BIN2: variants seen among roughly 807,000 people sequenced by gnomAD.
The protein encoded by BIN2 is breast cancer associated protein BRAP1.
A neutral mutation model predicts 67.9 loss-of-function variants in BIN2; 43 were observed. The observed-to-expected ratio is 0.63, with a 90% CI of 0.50 to 0.82. The LOEUF (loss-of-function observed/expected upper bound fraction) is 0.82, where lower values mean the gene tolerates loss of function less well. Ranked by LOEUF, BIN2 falls within the 40% of genes least tolerant of loss-of-function variation. The pLI is 0.00. For synonymous variants in BIN2, 244 were observed against 246.8 expected, an observed-to-expected ratio of 0.99 and a Z score of 0.11; for missense variants, 581 against 671.6, an observed-to-expected ratio of 0.87 and a Z score of 1.49.
intron 5 of BIN2, among the ~76,000 whole-genome samples, chr12:51,299,928 TC>T (rs1404111682): frequency 1.3e-5 from 2 of 152,078 alleles, no homozygotes; most frequent in Middle Eastern, 3.2e-3. Context: ...AACCTCTGCC[TC>T]CCAGATTCAA....
chr12:51,307,433 A>C (rs1416392502), intron 2 of BIN2, among the ~76,000 whole-genome samples: 1 of 151,672 alleles, frequency 6.6e-6, no homozygotes, highest in Non-Finnish European at 1.5e-5. Flanking sequence ...ACAGGCTGGG[A>C]GCGGTGGCTC....
Position 51,295,580 on chromosome 12 carries a change from ATATATAT to A in BIN2, c.761+209_761+215del, listed in dbSNP as rs1945537202. Among the ~76,000 whole-genome samples the A allele has an allele frequency of 9.2e-3, 361 of 39,236 alleles. 3 individuals are homozygous for A. The highest frequency in any genetic ancestry group is 0.015 in the Middle Eastern group (1 of 66). 25.7% of individuals were successfully genotyped at this position (39,236 alleles called of 152,430 possible). A position where few individuals can be genotyped will look rare whatever the true frequency, so the allele number is the denominator to read the frequency against. Reference sequence around the variant, plus strand: ...TCCGTCTCAAAAAAAAAAAAAAAATATATATATATATATATATATATATATATATATA... The same window carrying A: ...TCCGTCTCAAAAAAAAAAAAAAAATAATATATATATATATATATATATATA... On this transcript the variant is annotated intron_variant, in intron 9 of 12. Coordinates refer to ENST00000615107, the MANE Select transcript of BIN2 (RefSeq NM_016293.4).
At chr12:51,296,573 A>C (rs1024672842) in intron 8 of BIN2, among the ~76,000 whole-genome samples, 1 of 152,048 alleles carries the variant, frequency 6.6e-6, no homozygotes, top group East Asian at 1.9e-4. Context: ...AACTATGGAG[A>C]GTAGTATGTA....
intron 2 of BIN2, among the ~76,000 whole-genome samples, chr12:51,308,079 C>G (rs1265215091): frequency 6.6e-6 from 1 of 151,994 alleles, no homozygotes; most frequent in African/African-American, 2.4e-5. Flanking sequence ...AGGTCAGCAA[C>G]AGGTATCATT....
intron 4 of BIN2, 186 bp from the exon 5 acceptor site, chr12:51,302,301 G>A (rs1945746630): frequency 1.0e-5 from 6 of 572,672 alleles, no homozygotes; most frequent in Admixed American, 3.1e-5. Flanking sequence ...ACTGCTCTAT[G>A]GGAGTCTGAA....
chr12:51,290,772 A>AT (rs1945358634), intron 10 of BIN2, among the ~76,000 whole-genome samples: 1 of 151,870 alleles, frequency 6.6e-6, no homozygotes. Flanking sequence ...TCTCTACTAA[A>AT]AATACAAAAA....
chr12:51,295,562 C>CA lies in BIN2; in HGVS notation c.761+233dup, dbSNP rs779588765. Among the ~76,000 whole-genome samples the CA allele has an allele frequency of 2.1e-3, 25 of 11,886 alleles. 1 individual carries two copies. Among genetic ancestry groups the CA allele is most frequent in the South Asian group, 9.5e-3 (3 of 316 alleles). 7.8% of individuals were successfully genotyped at this position (11,886 alleles called of 152,430 possible). A position where few individuals can be genotyped will look rare whatever the true frequency, so the allele number is the denominator to read the frequency against. ...TGGGCGACAGAGTGAGACTCCGTCT[C>CA]AAAAAAAAAAAAAAAATATATATAT... On this transcript the variant is annotated intron_variant, in intron 9 of 12. Transcript: ENST00000615107.
At chr12:51,303,211 C>A in intron 2 of BIN2, 70 bp from the exon 3 acceptor site, 3 of 1,488,716 alleles carry the variant, frequency 2.0e-6, no homozygotes, top group South Asian at 2.3e-5. Flanking sequence ...AGGTCAAAGT[C>A]AAAAAGTAGG....
At chr12:51,301,949 G>T in intron 5 of BIN2, 71 bp downstream of exon 5, 1 of 1,074,208 alleles carries the variant, frequency 9.3e-7, no homozygotes, top group Non-Finnish European at 1.4e-6. Flanking sequence ...TACTTATAAT[G>T]CTTAACCCAA....
At chr12:51,289,044 G>A (rs1300079489) in intron 10 of BIN2, among the ~76,000 whole-genome samples, 4 of 151,900 alleles carry the variant, frequency 2.6e-5, no homozygotes, top group East Asian at 1.9e-4. Flanking sequence ...CACTGCGCCC[G>A]GCCCTTAGCT....
intron 9 of BIN2, among the ~76,000 whole-genome samples, chr12:51,293,256 C>T (rs1405853610): frequency 6.6e-6 from 1 of 151,798 alleles, no homozygotes; most frequent in Non-Finnish European, 1.5e-5. Flanking sequence ...CCTTGAGCAT[C>T]CAAGATTAGA....
chr12:51,292,391 C>T (rs1227533798), intron 9 of BIN2, 47 bp from the exon 10 acceptor site: 1 of 1,501,310 alleles, frequency 6.7e-7, no homozygotes, highest in Non-Finnish European at 8.8e-7. Flanking sequence ...AAACCAGAAG[C>T]AATGTAAATA....
intron 1 of BIN2, among the ~76,000 whole-genome samples, chr12:51,318,173 T>C (rs1448208055): frequency 1.1e-4 from 17 of 151,878 alleles, no homozygotes; most frequent in Admixed American, 1.1e-3. Flanking sequence ...TGGAGTTTCA[T>C]TGTGAAGGGC....
intron 5 of BIN2, among the ~76,000 whole-genome samples, chr12:51,301,633 A>G (rs1945727140): frequency 6.6e-6 from 1 of 151,972 alleles, no homozygotes; most frequent in Non-Finnish European, 1.5e-5. Context: ...TCAGTCTCCT[A>G]GGGTGGCTGG....
intron 5 of BIN2, among the ~76,000 whole-genome samples, chr12:51,301,292 G>A (rs912026308): frequency 6.6e-6 from 1 of 151,938 alleles, no homozygotes; most frequent in Admixed American, 6.6e-5. Flanking sequence ...CTGCTTTCTG[G>A]AACAGAAAGC....
intron 1 of BIN2, among the ~76,000 whole-genome samples, chr12:51,320,970 C>CACACA (rs1565693414): frequency 3.3e-5 from 5 of 151,334 alleles, no homozygotes; most frequent in Non-Finnish European, 7.4e-5. Context: ...CACACACACA[C>CACACA]TCTAAAGCCA....
Position 51,302,019 on chromosome 12 carries a change from C to A in BIN2, c.408+1G>T, listed in dbSNP as rs757051618. 2 of 1,608,068 alleles carry A rather than the reference C, an allele frequency of 1.2e-6. No individual in the cohort carries two copies. Among genetic ancestry groups the A allele is most frequent in the Non-Finnish European group, 1.7e-6 (2 of 1,174,616 alleles). On this transcript the variant is annotated splice_donor_variant, in intron 5 of 12. Coordinates refer to ENST00000615107, the MANE Select transcript of BIN2 (RefSeq NM_016293.4). LOFTEE classifies it high-confidence loss of function. ...CAGCCTTGATTCTGTACATTGAGTA[C>A]CTTAATTTCACTGAACTGGGCAACA...
chr12:51,281,924 A>G (rs1176969429), intron 12 of BIN2, among the ~76,000 whole-genome samples: 1 of 150,108 alleles, frequency 6.7e-6, no homozygotes, highest in Admixed American at 6.7e-5. Flanking sequence ...CTAATTTATT[A>G]AAAAAAAAAT....
Position 51,312,885 on chromosome 12 carries a change from T to C in BIN2, c.162+938A>G, listed in dbSNP as rs562634965. ...GAATTAGATGATAGCTAATAACCCATTAATATAATTTTAAAAATTATTTTC... is the reference window on the plus strand; with the variant it reads ...GAATTAGATGATAGCTAATAACCCACTAATATAATTTTAAAAATTATTTTC... On this transcript the variant is annotated intron_variant, in intron 2 of 12. Coordinates refer to ENST00000615107, the MANE Select transcript of BIN2 (RefSeq NM_016293.4). Among the ~76,000 whole-genome samples, 3 of 152,200 alleles carry C rather than the reference T, an allele frequency of 2.0e-5. No homozygotes were observed. In the East Asian group the frequency reaches 5.8e-4, roughly 29 times the overall value.
Sources: gnomAD v4.1 joint callset for allele counts (sites outside exome capture counted in the v4.1 genomes callset) on GRCh38, gnomAD v4.1.1 for gene constraint, MANE v1.5 for transcripts, NCBI Gene and HGNC (gene_info 2026-07-23, HGNC 2026-07-21) for gene names.